The following DSG1 variants were observed in gnomAD, a reference collection of about 807,000 sequenced individuals.
DSG1 encodes desmoglein 1.
Under a neutral mutation model 97.5 loss-of-function variants are expected in DSG1, and 39 were observed. That is an observed-to-expected ratio of 0.40 (90% CI 0.31 to 0.52). The LOEUF (loss-of-function observed/expected upper bound fraction) is 0.52. DSG1 is among the 20% of genes least tolerant of loss of function. The pLI is 0.53. For missense variants in DSG1, 1,311 were observed against 1,295.4 expected (o/e 1.01, Z -0.18); for synonymous variants, 475 against 443.4 (o/e 1.07, Z -0.90).
At chr18:31,334,983 A>T (rs1025861237) in intron 8 of DSG1, among the ~76,000 whole-genome samples, 1 of 149,976 alleles carries the variant, frequency 6.7e-6, no homozygotes, top group Non-Finnish European at 1.5e-5. Flanking sequence ...TGCAATATAT[A>T]GTTTCATGGT....
chr18:31,334,925 T>C (rs1434483083), intron 8 of DSG1, among the ~76,000 whole-genome samples: 1 of 152,198 alleles, frequency 6.6e-6, no homozygotes, highest in African/African-American at 2.4e-5. Context: ...ACTTACACAG[T>C]CGATTTTTAA....
At position 31,354,856 on chromosome 18, in the gene DSG1, G is replaced by T; in HGVS notation, c.2660G>T (p.Arg887Leu). 6.2e-7 allele frequency: 1 copy of T among 1,614,156 alleles called. No homozygotes were observed. The highest frequency in any genetic ancestry group is 8.5e-7 in the Non-Finnish European group (1 of 1,180,030). ...LHGMLEMPDLRDGSNVIVTER... is the reference protein window; with the variant it reads ...LHGMLEMPDLLDGSNVIVTER... ...GGAATGTTAGAGATGCCTGACTTGC[G>T]AGATGGGTCGAATGTTATAGTGACA... Residue 887 changes from arginine (R) to leucine (L), a missense_variant, in exon 15 of 15, where the codon CGA becomes CTA. This residue lies in a region of DSG1 where 1,038 missense variants were observed against 964.6 expected (regional missense o/e 1.08). Transcript: ENST00000257192.
rs199721165 is a variant in DSG1, at chr18:31,331,843, G to A, written c.660G>A (p.Thr220=). The A allele has an allele frequency of 2.0e-5, 32 of 1,612,320 alleles. No individual in the cohort carries two copies. The East Asian group carries it at 5.4e-4, about 27-fold the overall frequency. Residue 220 remains threonine (T), a synonymous_variant, in exon 6 of 15, where the codon ACG becomes ACA. Transcript: ENST00000257192. ...ACAGAAATACTGGAGAAATTCGAAC[G>A]ATGAATAATTTTCTAGACAGAGAGG... The part of the protein sequence containing the change: ...IINRNTGEIR[T]MNNFLDREQY...
Position 31,334,186 on chromosome 18 carries a change from T to C in DSG1, c.989T>C (p.Ile330Thr). 1 of 1,600,310 alleles carries C rather than the reference T, an allele frequency of 6.2e-7. No homozygotes were observed. The highest frequency in any genetic ancestry group is 8.6e-7 in the Non-Finnish European group (1 of 1,168,152). Residue 330 changes from isoleucine (I) to threonine (T), a missense_variant, in exon 8 of 15, where the codon ATT becomes ACT. Around this residue, in one of 3 missense-constraint regions of DSG1, gnomAD observed 1,038 missense variants for 964.6 expected, o/e 1.08. Transcript: ENST00000257192. ...ATGAATGAAAGAACAAATGTGGGAA[T>C]TTTAAAGGTTGTTAAGGTATGGTAT... ...IEMNERTNVGILKVVKPLDYE... is the reference protein window; with the variant it reads ...IEMNERTNVGTLKVVKPLDYE...
chr18:31,325,906 A>T (rs960586068), intron 1 of DSG1, among the ~76,000 whole-genome samples: 7 of 152,156 alleles, frequency 4.6e-5, no homozygotes, highest in Admixed American at 2.6e-4. Context: ...AGTGGTGACC[A>T]CATGTATTTG....
rs775691255 is a variant in DSG1 at position 31,338,444 on chromosome 18, C to G, written c.1395C>G (p.Leu465=). Residue 465 remains leucine (L), a synonymous_variant, in exon 10 of 15, where the codon CTC becomes CTG. Coordinates refer to ENST00000257192, the MANE Select transcript of DSG1 (RefSeq NM_001942.4). ...MLGGKYQGTI[L]SIDDNLQRTC... ...GAGGAAAATACCAAGGAACGATTCTCTCTATAGATGGTAAGAAATTAATTT... is the reference window on the plus strand; with the variant it reads ...GAGGAAAATACCAAGGAACGATTCTGTCTATAGATGGTAAGAAATTAATTT... 1.2e-6 allele frequency: 2 copies of G among 1,613,244 alleles called. No individual in the cohort carries two copies. Among genetic ancestry groups the G allele is most frequent in the Non-Finnish European group, 1.7e-6 (2 of 1,179,372 alleles).
intron 11 of DSG1, 168 bp from the exon 12 acceptor site, chr18:31,343,282 T>G: frequency 1.1e-6 from 1 of 917,766 alleles, no homozygotes; most frequent in Non-Finnish European, 1.7e-6. Flanking sequence ...GAAGCTCCCA[T>G]TTACTTTGGG....
At chr18:31,324,391 A>G (rs1390635123) in intron 1 of DSG1, among the ~76,000 whole-genome samples, 2 of 150,858 alleles carry the variant, frequency 1.3e-5, no homozygotes, top group African/African-American at 4.9e-5. Context: ...TCTTGACTGT[A>G]TCCTCTACTT....
intron 3 of DSG1, among the ~76,000 whole-genome samples, chr18:31,327,229 A>C (rs2071691336): frequency 6.6e-6 from 1 of 152,166 alleles, no homozygotes; most frequent in African/African-American, 2.4e-5. Flanking sequence ...GGTGAAATGC[A>C]TACACATGAT....
At chr18:31,335,102 T>C (rs1443374955) in intron 8 of DSG1, among the ~76,000 whole-genome samples, 1 of 151,986 alleles carries the variant, frequency 6.6e-6, no homozygotes, top group Admixed American at 6.5e-5. Context: ...CTCCTGTGTC[T>C]TCTTAAAGTG....
intron 14 of DSG1, among the ~76,000 whole-genome samples, chr18:31,353,458 C>T (rs1184705432): frequency 3.9e-5 from 6 of 152,022 alleles, no homozygotes; most frequent in Non-Finnish European, 8.8e-5. Context: ...GTGGAGCCTA[C>T]AGAGGCAGGC....
At position 31,336,433 on chromosome 18, in the gene DSG1, T is replaced by C. The variant is rs1042409355; in HGVS notation, c.1085T>C (p.Met362Thr). 5 of 1,613,858 alleles carry C rather than the reference T, an allele frequency of 3.1e-6. No homozygotes were observed. The African/African-American group carries it at 4.0e-5, about 13-fold the overall frequency. The change falls in exon 9 of 15, where the codon ATG becomes ACG. Residue 362 changes from methionine (M) to threonine (T), a missense_variant. Coordinates refer to ENST00000257192, the MANE Select transcript of DSG1 (RefSeq NM_001942.4). Reference sequence around the variant, plus strand: ...AAAGCTGAATTTCATCATTCAATTATGTCTCAATATAAACTGAAAGCATCT... The same window carrying C: ...AAAGCTGAATTTCATCATTCAATTACGTCTCAATATAAACTGAAAGCATCT... ...RNKAEFHHSI[M>T]SQYKLKASAI... is the part of the protein sequence containing the mutation.
rs972727235 is a variant in DSG1 at position 31,356,395 on chromosome 18, A to G, written c.*1049A>G. ...AGCTGTGGACAAAAAAAAAAGAAGC[A>G]GCAGCTTGTAGTATGCTTAAGCTTT... On this transcript the variant is annotated 3_prime_UTR_variant, in exon 15 of 15. Transcript: ENST00000257192. 1 of 152,154 alleles carries G rather than the reference A, an allele frequency of 6.6e-6. No individual in the cohort carries two copies. The highest frequency in any genetic ancestry group is 2.4e-5 in the African/African-American group (1 of 41,462). The allele number at this position is 152,154 out of a possible 1,614,324, so 9.4% of individuals were successfully genotyped here.
chr18:31,327,182 T>C (rs1455592044), intron 3 of DSG1, among the ~76,000 whole-genome samples, 177 bp downstream of exon 3: 1 of 151,714 alleles, frequency 6.6e-6, no homozygotes, highest in Non-Finnish European at 1.5e-5. Context: ...GAAATGCAGG[T>C]GCTCAGAGAA....
chr18:31,330,124 T>C (rs1311823843), intron 5 of DSG1, 88 bp downstream of exon 5: 12 of 1,485,096 alleles, frequency 8.1e-6, no homozygotes, highest in Admixed American at 5.1e-5. Flanking sequence ...ATCATGAATG[T>C]AAGAGATAAA....
chr18:31,355,133 G>T lies in DSG1; in HGVS notation c.2937G>T (p.Leu979=), dbSNP rs1219063123. The T allele has an allele frequency of 5.0e-6, 8 of 1,612,712 alleles. No homozygotes were observed. The highest frequency in any genetic ancestry group is 1.7e-5 in the Admixed American group (1 of 60,006). ...GISGGIGSSG[L]VGTSMGAGSG... ...GCGGTGGCATAGGCAGCAGTGGCCT[G>T]GTTGGCACCAGCATGGGTGCTGGGA... The change falls in exon 15 of 15, where the codon CTG becomes CTT. Residue 979 remains leucine (L), a synonymous_variant. Coordinates refer to ENST00000257192, the MANE Select transcript of DSG1 (RefSeq NM_001942.4).
At chr18:31,319,147 A>G (rs1419247324) in intron 1 of DSG1, among the ~76,000 whole-genome samples, 1 of 152,220 alleles carries the variant, frequency 6.6e-6, no homozygotes, top group Admixed American at 6.5e-5. Flanking sequence ...TTCTTGCTGT[A>G]GAGATAATAC....
At position 31,354,993 on chromosome 18, in the gene DSG1, A is replaced by T; in HGVS notation, c.2797A>T (p.Met933Leu). ...TERVIQPTSG[M>L]IGSLSMHPEL... The stretch of plus-strand genomic sequence containing the variant: ...AAGAGTAATCCAACCAACTTCCGGC[A>T]TGATAGGTAGTCTGAGTATGCACCC... The change falls in exon 15 of 15, where the codon ATG becomes TTG. Residue 933 changes from methionine (M) to leucine (L), a missense_variant. Met to Leu is a conservative substitution (Grantham distance 15). Around this residue, in one of 3 missense-constraint regions of DSG1, gnomAD observed 1,038 missense variants for 964.6 expected, o/e 1.08. Coordinates refer to ENST00000257192, the MANE Select transcript of DSG1 (RefSeq NM_001942.4). 6.2e-7 allele frequency: 1 copy of T among 1,614,228 alleles called. No individual in the cohort carries two copies. Among genetic ancestry groups the T allele is most frequent in the Non-Finnish European group, 8.5e-7 (1 of 1,180,036 alleles).
At position 31,326,584 on chromosome 18, in the gene DSG1, G is replaced by T; in HGVS notation, c.52G>T (p.Val18Leu). ...VVAMLFIFLV[V>L]VEVNSEFRIQ... is the part of the protein sequence containing the mutation. ...GTGATTATCTTATTTTTTACAGGTG[G>T]TGGTAGAAGTTAACAGTGAATTCCG... Residue 18 changes from valine (V) to leucine (L), a missense_variant, in exon 2 of 15, where the codon GTG (valine) becomes TTG (leucine). Transcript: ENST00000257192. 1.9e-6 allele frequency: 3 copies of T among 1,602,490 alleles called. No homozygotes were observed. Among genetic ancestry groups the T allele is most frequent in the Non-Finnish European group, 2.6e-6 (3 of 1,170,436 alleles).
Sources: allele counts gnomAD v4.1 joint callset (sites outside exome capture counted in the v4.1 genomes callset), GRCh38; gene constraint gnomAD v4.1.1; regional missense constraint gnomAD v4.1.1; transcripts MANE v1.5; gene names NCBI Gene and HGNC (gene_info 2026-07-23, HGNC 2026-07-21).